TESK2: variants seen among roughly 807,000 people sequenced by gnomAD.
The protein encoded by TESK2 is testis associated actin remodelling kinase 2.
A neutral mutation model predicts 57.1 loss-of-function variants in TESK2; 39 were observed. That is an observed-to-expected ratio of 0.68 (90% CI 0.53 to 0.89). The LOEUF (loss-of-function observed/expected upper bound fraction) is 0.89, where lower values mean the gene tolerates loss of function less well. Ranked by LOEUF, TESK2 falls within the 40% of genes least tolerant of loss-of-function variation. The pLI is 0.00. For synonymous variants in TESK2, 249 were observed against 267.9 expected (o/e 0.93, Z 0.69); for missense variants, 646 against 732.1 (o/e 0.88, Z 1.36).
chr1:45,348,447 G>A (rs1242903738), intron 5 of TESK2, among the ~76,000 whole-genome samples: 1 of 152,200 alleles, frequency 6.6e-6, no homozygotes, highest in African/African-American at 2.4e-5. Context: ...CAAGACAAGT[G>A]TCTAAGCCTT....
At chr1:45,347,511 C>G in intron 7 of TESK2, 98 bp downstream of exon 7, 1 of 1,134,520 alleles carries the variant, frequency 8.8e-7, no homozygotes, top group Non-Finnish European at 1.3e-6. Context: ...AAGCCGAGAT[C>G]GTGCCACTGC....
intron 4 of TESK2, among the ~76,000 whole-genome samples, chr1:45,357,951 C>A (rs1217891289): frequency 1.4e-5 from 2 of 146,512 alleles, no homozygotes; most frequent in African/African-American, 2.6e-5. Context: ...TTGCAGTAAG[C>A]CGAGATTGCA....
chr1:45,347,532 G>A (rs1647163626), intron 7 of TESK2, 77 bp downstream of exon 7: 1 of 1,383,912 alleles, frequency 7.2e-7, no homozygotes, highest in Admixed American at 1.9e-5. Flanking sequence ...ATTCCAGCCT[G>A]AGCAACATAG....
At chr1:45,416,106 A>C (rs1650230120) in intron 3 of TESK2, among the ~76,000 whole-genome samples, 1 of 99,636 alleles carries the variant, frequency 1.0e-5, no homozygotes, top group Admixed American at 1.5e-4. Context: ...TTTTTGAGAC[A>C]AGCTCTGGCT....
At chr1:45,358,712 G>GA (rs1647552075) in intron 4 of TESK2, among the ~76,000 whole-genome samples, 1 of 151,778 alleles carries the variant, frequency 6.6e-6, no homozygotes, top group Non-Finnish European at 1.5e-5. Flanking sequence ...ACATGCACAT[G>GA]AAAATCCAAT....
chr1:45,456,585 T>C (rs1458124134), intron 2 of TESK2, among the ~76,000 whole-genome samples: 1 of 152,088 alleles, frequency 6.6e-6, no homozygotes, highest in Non-Finnish European at 1.5e-5. Context: ...GTTTTTTTTT[T>C]CCTTAAAAGA....
intron 1 of TESK2, among the ~76,000 whole-genome samples, chr1:45,462,949 T>C (rs763322379): frequency 5.9e-5 from 9 of 152,210 alleles, no homozygotes; most frequent in Non-Finnish European, 1.3e-4. Flanking sequence ...AGATGATAAC[T>C]CATTGTAGTT....
At chr1:45,420,564 A>ATTTTT (rs200053502) in intron 3 of TESK2, among the ~76,000 whole-genome samples, 1 of 125,716 alleles carries the variant, frequency 8.0e-6, no homozygotes, top group Non-Finnish European at 1.7e-5. Context: ...GCCAAATAAA[A>ATTTTT]TTTTTTTTTT....
chr1:45,431,116 T>C (rs752424429), intron 2 of TESK2, among the ~76,000 whole-genome samples: 6 of 152,270 alleles, frequency 3.9e-5, no homozygotes, highest in Non-Finnish European at 4.4e-5. Context: ...TGTTACACAG[T>C]GCTAGTAAGA....
At chr1:45,413,562 A>ACTCATT (rs536607656) in intron 3 of TESK2, among the ~76,000 whole-genome samples, 1 of 151,928 alleles carries the variant, frequency 6.6e-6, no homozygotes, top group Non-Finnish European at 1.5e-5. Context: ...AGAATTTTCA[A>ACTCATT]CTCATTCTTT....
At chr1:45,356,606 G>A (rs144211596) in intron 4 of TESK2, among the ~76,000 whole-genome samples, 49 of 139,784 alleles carry the variant, frequency 3.5e-4, no homozygotes, top group African/African-American at 1.1e-3. Flanking sequence ...TAGACAGAGC[G>A]AGACCCTGTC....
intron 1 of TESK2, among the ~76,000 whole-genome samples, chr1:45,484,655 C>T (rs112899396): frequency 6.6e-6 from 1 of 151,994 alleles, no homozygotes; most frequent in Non-Finnish European, 1.5e-5. Context: ...TCGCTTCAAC[C>T]CGGAAGGCGG....
At chr1:45,464,096 G>A (rs182060860) in intron 1 of TESK2, among the ~76,000 whole-genome samples, 3 of 152,238 alleles carry the variant, frequency 2.0e-5, no homozygotes, top group Admixed American at 6.5e-5. Context: ...GATGCAGACT[G>A]CACTGAATCT....
intron 1 of TESK2, among the ~76,000 whole-genome samples, chr1:45,479,007 A>T (rs1653107848): frequency 6.6e-6 from 1 of 152,166 alleles, no homozygotes; most frequent in South Asian, 2.1e-4. Flanking sequence ...TACAGGGGTG[A>T]GCAACCATAC....
At chr1:45,479,287 A>G (rs759382814) in intron 1 of TESK2, among the ~76,000 whole-genome samples, 1 of 152,186 alleles carries the variant, frequency 6.6e-6, no homozygotes. Flanking sequence ...GAATAATAGG[A>G]CTAAGTATAA....
At chr1:45,417,459 C>T (rs921634904) in intron 3 of TESK2, among the ~76,000 whole-genome samples, 3 of 151,886 alleles carry the variant, frequency 2.0e-5, no homozygotes, top group Non-Finnish European at 4.4e-5. Context: ...CTCGAACTCC[C>T]GACTCAGGTG....
At chr1:45,359,991 T>G (rs1647609732) in intron 4 of TESK2, among the ~76,000 whole-genome samples, 1 of 152,176 alleles carries the variant, frequency 6.6e-6, no homozygotes, top group African/African-American at 2.4e-5. Flanking sequence ...ATGCAGCACT[T>G]CAGATCCTTG....
chr1:45,402,394 TAAAAAAAA>T (rs538809925), intron 3 of TESK2, among the ~76,000 whole-genome samples: 2 of 115,582 alleles, frequency 1.7e-5, no homozygotes, highest in African/African-American at 3.2e-5. Flanking sequence ...ATCTTGTCTT[TAAAAAAAA>T]AAAAAAAAGA....
At chr1:45,390,733 G>A (rs764938567) in intron 3 of TESK2, among the ~76,000 whole-genome samples, 9 of 149,008 alleles carry the variant, frequency 6.0e-5, no homozygotes, top group East Asian at 2.0e-4. Flanking sequence ...GCACCACCAC[G>A]CCTGGCTAAT....
Sources: allele counts gnomAD v4.1 joint callset (sites outside exome capture counted in the v4.1 genomes callset), GRCh38; gene constraint gnomAD v4.1.1; transcripts MANE v1.5; gene names NCBI Gene and HGNC (gene_info 2026-07-23, HGNC 2026-07-21).